SUGCT: variants seen among roughly 807,000 people sequenced by gnomAD.
SUGCT encodes succinyl-CoA:glutarate CoA-transferase.
In SUGCT, 41 loss-of-function variants were observed where a neutral mutation model predicts 55.0. That is an observed-to-expected ratio of 0.74 (90% CI 0.58 to 0.97). The LOEUF (loss-of-function observed/expected upper bound fraction) is 0.97, where lower values mean the gene tolerates loss of function less well. Ranked by LOEUF, SUGCT falls within the 50% of genes least tolerant of loss-of-function variation. The pLI is 0.00. For missense variants in SUGCT, 568 were observed against 547.8 expected (o/e 1.04, Z -0.37); for synonymous variants, 187 against 200.4 (o/e 0.93, Z 0.56).
In SUGCT at chr7:40,575,874, G is replaced by A. The variant is rs570047631; in HGVS notation, c.1089+79488G>A. 5.3e-5 allele frequency among the ~76,000 whole-genome samples: 8 copies of A among 151,934 alleles called. No homozygotes were observed. The South Asian group carries it at 1.7e-3, about 32-fold the overall frequency. Reference sequence around the variant, plus strand: ...GCAGGAGAATTGCTTGAACCAGGAGGGGGAGGTTGCAGTGAGCCGAGATTG... The same window carrying A: ...GCAGGAGAATTGCTTGAACCAGGAGAGGGAGGTTGCAGTGAGCCGAGATTG... On this transcript the variant is annotated intron_variant, in intron 12 of 13. Coordinates refer to ENST00000335693, the MANE Select transcript of SUGCT (RefSeq NM_001193313.2).
At chr7:40,846,152 A>G (rs543550061) in intron 13 of SUGCT, among the ~76,000 whole-genome samples, 2 of 152,316 alleles carry the variant, frequency 1.3e-5, no homozygotes, top group African/African-American at 2.4e-5. Context: ...TATTCTGGCT[A>G]TAGACTTCAG....
At chr7:40,456,963 T>C (rs1789522068) in intron 10 of SUGCT, among the ~76,000 whole-genome samples, 1 of 152,158 alleles carries the variant, frequency 6.6e-6, no homozygotes. Context: ...CATTAGATGA[T>C]AGGCATGTTA....
intron 1 of SUGCT, among the ~76,000 whole-genome samples, chr7:40,143,618 C>T (rs1278895535): frequency 6.6e-6 from 1 of 152,242 alleles, no homozygotes; most frequent in Non-Finnish European, 1.5e-5. Context: ...CCATTCCAAC[C>T]AGGCATTTGC....
chr7:40,551,776 A>G (rs1035450472), intron 12 of SUGCT, among the ~76,000 whole-genome samples: 4 of 152,198 alleles, frequency 2.6e-5, no homozygotes, highest in Non-Finnish European at 5.9e-5. Flanking sequence ...TCTTGAAGAC[A>G]CAGATAAGAG....
the SUGCT span, among the ~76,000 whole-genome samples, chr7:40,919,059 G>A: frequency 1.3e-5 from 2 of 152,170 alleles, no homozygotes; most frequent in Non-Finnish European, 2.9e-5. Flanking sequence ...CTTAGCTGCT[G>A]GGGTTTTCCT....
At chr7:40,707,604 T>C (rs1387782222) in intron 12 of SUGCT, among the ~76,000 whole-genome samples, 1 of 152,146 alleles carries the variant, frequency 6.6e-6, no homozygotes, top group Non-Finnish European at 1.5e-5. Context: ...TTGGATATGA[T>C]CCTTAAGGCA....
intron 9 of SUGCT, among the ~76,000 whole-genome samples, chr7:40,440,691 C>T (rs1432069862): frequency 6.6e-6 from 1 of 152,106 alleles, no homozygotes; most frequent in African/African-American, 2.4e-5. Flanking sequence ...TCTAGGGACT[C>T]TTTCCTGGCT....
the SUGCT span, among the ~76,000 whole-genome samples, chr7:41,002,443 C>A: frequency 6.6e-6 from 1 of 152,154 alleles, no homozygotes; most frequent in African/African-American, 2.4e-5. Flanking sequence ...CAATGAGGCA[C>A]AGCCATCAGC....
At chr7:41,020,457 A>C in the SUGCT span, among the ~76,000 whole-genome samples, 1 of 152,244 alleles carries the variant, frequency 6.6e-6, no homozygotes. Context: ...TTCATTATTA[A>C]AACCACAGAT....
intron 9 of SUGCT, among the ~76,000 whole-genome samples, chr7:40,426,080 T>C (rs1787573072): frequency 6.6e-6 from 1 of 152,188 alleles, no homozygotes; most frequent in South Asian, 2.1e-4. Context: ...AGGTGATCAG[T>C]CTCTTCACAG....
At chr7:40,562,581 A>G (rs1479918003) in intron 12 of SUGCT, among the ~76,000 whole-genome samples, 1 of 152,180 alleles carries the variant, frequency 6.6e-6, no homozygotes, top group African/African-American at 2.4e-5. Context: ...ACAGAAATTG[A>G]TCAGTGTGGG....
intron 12 of SUGCT, among the ~76,000 whole-genome samples, chr7:40,594,159 ACT>A (rs1797874864): frequency 1.3e-5 from 2 of 151,608 alleles, no homozygotes; most frequent in African/African-American, 4.8e-5. Context: ...GGAATATCAC[ACT>A]CTGGGGACTG....
chr7:40,475,907 G>T (rs535384061), intron 11 of SUGCT, among the ~76,000 whole-genome samples: 1 of 152,194 alleles, frequency 6.6e-6, no homozygotes, highest in African/African-American at 2.4e-5. Flanking sequence ...TCCATCAATT[G>T]ATTGTTTCAT....
chr7:40,706,056 G>T (rs764233574), intron 12 of SUGCT, among the ~76,000 whole-genome samples: 1 of 152,144 alleles, frequency 6.6e-6, no homozygotes, highest in African/African-American at 2.4e-5. Context: ...GGCCTAGGAA[G>T]GGCTCAGCAT....
chr7:41,011,956 C>G, the SUGCT span, among the ~76,000 whole-genome samples: 1 of 152,188 alleles, frequency 6.6e-6, no homozygotes, highest in African/African-American at 2.4e-5. Flanking sequence ...CAGTTCCCTT[C>G]ATCGGTGGTG....
At chr7:40,542,455 C>A (rs11977974) in intron 12 of SUGCT, among the ~76,000 whole-genome samples, 1 of 151,938 alleles carries the variant, frequency 6.6e-6, no homozygotes, top group Non-Finnish European at 1.5e-5. Context: ...AGGGTCTTGG[C>A]GATGATGTGG....
intron 12 of SUGCT, among the ~76,000 whole-genome samples, chr7:40,623,848 A>G (rs1799391011): frequency 6.6e-6 from 1 of 152,222 alleles, no homozygotes; most frequent in Non-Finnish European, 1.5e-5. Flanking sequence ...ACAAGGCTGA[A>G]GAAATAGAGT....
the SUGCT span, among the ~76,000 whole-genome samples, chr7:40,926,714 A>G: frequency 6.6e-6 from 1 of 152,208 alleles, no homozygotes; most frequent in Non-Finnish European, 1.5e-5. Context: ...AGCCTCAGCC[A>G]GGAAGGGAAC....
chr7:40,778,182 G>C (rs951605535), intron 13 of SUGCT, among the ~76,000 whole-genome samples: 1 of 152,204 alleles, frequency 6.6e-6, no homozygotes, highest in African/African-American at 2.4e-5. Context: ...TTACTCAGCT[G>C]TGGCCAGAGG....
Sources: gnomAD v4.1 joint callset for allele counts (sites outside exome capture counted in the v4.1 genomes callset) on GRCh38, gnomAD v4.1.1 for gene constraint, MANE v1.5 for transcripts, NCBI Gene and HGNC (gene_info 2026-07-23, HGNC 2026-07-21) for gene names.